OXCT1: variants seen among roughly 807,000 people sequenced by gnomAD.
OXCT1 encodes the protein succinyl-CoA:3-ketoacid coenzyme A transferase 1, mitochondrial.
In OXCT1, 27 loss-of-function variants were observed where a neutral mutation model predicts 69.6. The ratio of observed to expected loss-of-function variants is 0.39; its 90% CI spans 0.29 to 0.54. OXCT1 has a LOEUF of 0.54. OXCT1 is among the 20% of genes least tolerant of loss of function. OXCT1 has a pLI of 0.72. For missense variants in OXCT1, 437 were observed against 650.2 expected (o/e 0.67, Z 3.57); for synonymous variants, 202 against 217.8 (o/e 0.93, Z 0.64).
chr5:41,734,395 C>T (rs1742787190), intron 16 of OXCT1, among the ~76,000 whole-genome samples: 1 of 152,144 alleles, frequency 6.6e-6, no homozygotes, highest in Non-Finnish European at 1.5e-5. Context: ...TTTTACATAG[C>T]TTAAGCATTC....
chr5:41,838,018 G>T (rs1410041269), intron 7 of OXCT1, among the ~76,000 whole-genome samples: 1 of 152,188 alleles, frequency 6.6e-6, no homozygotes, highest in Non-Finnish European at 1.5e-5. Flanking sequence ...TTTGCATGCA[G>T]AAGAATATGC....
intron 5 of OXCT1, among the ~76,000 whole-genome samples, chr5:41,843,888 G>A (rs1748766986): frequency 6.6e-6 from 1 of 152,112 alleles, no homozygotes; most frequent in African/African-American, 2.4e-5. Context: ...TGATGAATGA[G>A]GATCTTACTA....
intron 14 of OXCT1, among the ~76,000 whole-genome samples, chr5:41,751,113 A>C (rs1003998084): frequency 1.3e-5 from 2 of 152,132 alleles, no homozygotes; most frequent in Non-Finnish European, 2.9e-5. Flanking sequence ...TCTGCACGAC[A>C]CAGAAGCTAA....
chr5:41,777,079 C>T (rs1745158337), intron 13 of OXCT1, among the ~76,000 whole-genome samples: 1 of 152,086 alleles, frequency 6.6e-6, no homozygotes, highest in Admixed American at 6.5e-5. Flanking sequence ...AAAGATAGTC[C>T]TCATCACCTA....
At chr5:41,733,016 G>T (rs1331720991) in intron 16 of OXCT1, among the ~76,000 whole-genome samples, 1 of 152,088 alleles carries the variant, frequency 6.6e-6, no homozygotes, top group Non-Finnish European at 1.5e-5. Context: ...AGTTCAGCAT[G>T]ATTTGGTATA....
intron 13 of OXCT1, among the ~76,000 whole-genome samples, chr5:41,769,607 T>C (rs928818327): frequency 1.3e-5 from 2 of 149,248 alleles, no homozygotes; most frequent in African/African-American, 4.9e-5. Flanking sequence ...TGTGTGCCTG[T>C]GGTCCCAGCT....
At chr5:41,861,031 C>T (rs997359765) in intron 3 of OXCT1, among the ~76,000 whole-genome samples, 1 of 151,976 alleles carries the variant, frequency 6.6e-6, no homozygotes, top group African/African-American at 2.4e-5. Flanking sequence ...AACTTCAATA[C>T]ATTTTAAGTT....
chr5:41,746,363 C>A (rs1363625878), intron 15 of OXCT1, among the ~76,000 whole-genome samples: 1 of 152,038 alleles, frequency 6.6e-6, no homozygotes, highest in African/African-American at 2.4e-5. Flanking sequence ...CCTCCAAATT[C>A]TCTTTCAAAG....
Position 41,870,274 on chromosome 5 carries a change from A to G in OXCT1, c.78+7T>C, listed in dbSNP as rs1227067696. On this transcript the variant is annotated splice_region_variant and intron_variant, in intron 1 of 16. Coordinates refer to ENST00000196371, the MANE Select transcript of OXCT1 (RefSeq NM_000436.4). This position sits in a 1 kb window ranked among gnomAD's most constrained non-coding sequence, Gnocchi z 4.2. ...GCCCATGGCCTTCCTCTTCCCCCGC[A>G]CTTTACCTTGTACCAGGTTGCCCCA... 6.2e-7 allele frequency: 1 copy of G among 1,611,854 alleles called. No individual in the cohort carries two copies. Among genetic ancestry groups the G allele is most frequent in the East Asian group, 2.2e-5 (1 of 44,836 alleles).
chr5:41,838,976 T>G (rs1031122251), intron 7 of OXCT1, among the ~76,000 whole-genome samples: 11 of 152,174 alleles, frequency 7.2e-5, no homozygotes, highest in Admixed American at 2.6e-4. Flanking sequence ...TAGGAGTGGT[T>G]GCGCACATTA....
At chr5:41,766,476 C>G (rs908229042) in intron 13 of OXCT1, among the ~76,000 whole-genome samples, 7 of 150,328 alleles carry the variant, frequency 4.7e-5, no homozygotes, top group African/African-American at 1.7e-4. Flanking sequence ...TTTCCTAATA[C>G]TAGAATTTTA....
chr5:41,796,251 T>A (rs1196511578), intron 11 of OXCT1, among the ~76,000 whole-genome samples: 1 of 152,240 alleles, frequency 6.6e-6, no homozygotes. Context: ...TCTTGTGATC[T>A]ATTTCCTCTC....
intron 14 of OXCT1, among the ~76,000 whole-genome samples, chr5:41,751,461 T>C (rs1322620153): frequency 4.6e-5 from 7 of 152,128 alleles, no homozygotes. Flanking sequence ...ATACACACTA[T>C]AGCATAGTGG....
At chr5:41,746,296 G>C (rs773293507) in intron 15 of OXCT1, among the ~76,000 whole-genome samples, 16 of 151,954 alleles carry the variant, frequency 1.1e-4, no homozygotes, top group Admixed American at 3.9e-4. Context: ...ACCAAGGAAC[G>C]CATCTTTCAT....
intron 7 of OXCT1, among the ~76,000 whole-genome samples, chr5:41,826,893 T>A (rs1000953872): frequency 4.6e-5 from 7 of 152,182 alleles, no homozygotes; most frequent in African/African-American, 1.2e-4. Flanking sequence ...TCATCCCAGG[T>A]TTCCCCGTCT....
At chr5:41,793,113 T>C (rs1328837024) in intron 13 of OXCT1, among the ~76,000 whole-genome samples, 2 of 152,216 alleles carry the variant, frequency 1.3e-5, no homozygotes, top group African/African-American at 4.8e-5. Context: ...AACATTGTTA[T>C]CAACTACATT....
intron 5 of OXCT1, chr5:41,843,476 T>A (rs1748745315): frequency 2.2e-6 from 1 of 450,154 alleles, no homozygotes; most frequent in Admixed American, 2.4e-5. Context: ...CTTCTGACAT[T>A]ACTGATCTAG....
At position 41,869,146 on chromosome 5, in the gene OXCT1, T is replaced by C. The variant is rs142481198; in HGVS notation, c.78+1135A>G. On this transcript the variant is annotated intron_variant, in intron 1 of 16. Transcript: ENST00000196371. ...TTATAAAAATGCTTCCTAAGAGGCATTTAAGAGTAAAATGGTCCAGTTCTG... is the reference window on the plus strand; with the variant it reads ...TTATAAAAATGCTTCCTAAGAGGCACTTAAGAGTAAAATGGTCCAGTTCTG... Among the ~76,000 whole-genome samples, 670 of 152,254 alleles carry C rather than the reference T, an allele frequency of 4.4e-3. 8 individuals carry two copies. Among genetic ancestry groups the C allele is most frequent in the Middle Eastern group, 0.034 (10 of 294 alleles).
chr5:41,746,303 T>C (rs1743486906), intron 15 of OXCT1, among the ~76,000 whole-genome samples: 1 of 152,074 alleles, frequency 6.6e-6, no homozygotes, highest in Non-Finnish European at 1.5e-5. Flanking sequence ...AACGCATCTT[T>C]CATTACCTCA....
Sources: allele counts gnomAD v4.1 joint callset (sites outside exome capture counted in the v4.1 genomes callset), GRCh38; gene constraint gnomAD v4.1.1; non-coding constraint Gnocchi (gnomAD v3.1); transcripts MANE v1.5; gene names NCBI Gene and HGNC (gene_info 2026-07-23, HGNC 2026-07-21).